ADGRG5: variants seen among roughly 807,000 people sequenced by gnomAD.
ADGRG5 encodes the protein adhesion G protein-coupled receptor G5.
ADGRG5 carries 37 observed loss-of-function variants against 53.2 expected under a neutral mutation model. The observed-to-expected ratio is 0.70, with a 90% CI of 0.53 to 0.91. The LOEUF is 0.91. Ranked by LOEUF, ADGRG5 falls within the 40% of genes least tolerant of loss-of-function variation. The pLI is 0.00. For missense variants in ADGRG5, 614 were observed against 675.8 expected, an observed-to-expected ratio of 0.91 and a Z score of 1.01; for synonymous variants, 277 against 290.4, an observed-to-expected ratio of 0.95 and a Z score of 0.47.
intron 6 of ADGRG5, 188 bp downstream of exon 6, chr16:57,565,338 T>G: frequency 1.6e-6 from 1 of 608,086 alleles, no homozygotes; most frequent in East Asian, 2.8e-5. Flanking sequence ...TTCTTTCAGT[T>G]GCAAGTAAGA....
In ADGRG5 at chr16:57,574,708, A is replaced by G; in HGVS notation, c.1209-107A>G. ...CACTGTGTGTTCAGTCAGGCAAGAAACAATAGGGCCTGAGCCAGGAGACCG... is the reference window on the plus strand; with the variant it reads ...CACTGTGTGTTCAGTCAGGCAAGAAGCAATAGGGCCTGAGCCAGGAGACCG... On this transcript the variant is annotated intron_variant, in intron 10 of 11. Transcript: ENST00000349457. This position sits in a 1 kb window ranked among gnomAD's most constrained non-coding sequence, Gnocchi z 4.4. The G allele has an allele frequency of 1.6e-6, 2 of 1,275,280 alleles. No individual in the cohort carries two copies. The highest frequency in any genetic ancestry group is 1.5e-5 in the African/African-American group (1 of 66,916). The allele number at this position is 1,275,280 out of a possible 1,614,324, so 79.0% of individuals were successfully genotyped here. A position where few individuals can be genotyped will look rare whatever the true frequency, so the allele number is the denominator to read the frequency against.
chr16:57,568,568 C>T (rs2146817781), intron 9 of ADGRG5, among the ~76,000 whole-genome samples: 1 of 151,564 alleles, frequency 6.6e-6, no homozygotes, highest in African/African-American at 2.4e-5. Flanking sequence ...ACCTCCTCCA[C>T]CTCCATCACC....
chr16:57,567,015 C>T (rs1431969604), intron 7 of ADGRG5, among the ~76,000 whole-genome samples: 16 of 152,228 alleles, frequency 1.1e-4, no homozygotes, highest in Admixed American at 1.0e-3. Flanking sequence ...GCTGGCTTAG[C>T]CCTCAAATAG....
chr16:57,561,975 C>A, intron 1 of ADGRG5, 81 bp from the exon 2 acceptor site: 1 of 682,160 alleles, frequency 1.5e-6, no homozygotes, highest in South Asian at 2.4e-5. Flanking sequence ...TGCTGCATGT[C>A]CTACTCTTGG....
intron 9 of ADGRG5, 95 bp from the exon 10 acceptor site, chr16:57,570,323 C>A (rs1374571075): frequency 1.4e-6 from 1 of 731,736 alleles, no homozygotes; most frequent in Admixed American, 1.9e-5. Context: ...TGTCCCTTGA[C>A]CAGTGAAATT....
intron 6 of ADGRG5, chr16:57,566,396 C>G (rs2033130788): frequency 2.3e-6 from 1 of 430,078 alleles, no homozygotes; most frequent in Non-Finnish European, 4.1e-6. Flanking sequence ...CTCAGAGCAA[C>G]TTGGTGTCTT....
rs547763306 is a variant in ADGRG5 at position 57,563,906 on chromosome 16, G to A, written c.356G>A (p.Arg119Gln). 36 of 1,614,034 alleles carry A rather than the reference G, an allele frequency of 2.2e-5. No individual in the cohort carries two copies. In the East Asian group the frequency reaches 5.6e-4, roughly 25 times the overall value. The change falls in exon 5 of 12, where the codon CGG becomes CAG. Residue 119 changes from arginine to glutamine, a missense_variant. Arg to Gln is a conservative substitution (Grantham distance 43). Coordinates refer to ENST00000349457, the MANE Select transcript of ADGRG5 (RefSeq NM_001304376.3). ...HAMQFPAELTRDACKTRPREL... is the reference protein window; with the variant it reads ...HAMQFPAELTQDACKTRPREL... ...ATGCAGTTCCCCGCCGAGCTGACCC[G>A]GGACGCCTGCAAGACCCGCCCCAGG...
intron 10 of ADGRG5, among the ~76,000 whole-genome samples, chr16:57,572,004 C>T (rs1466632857): frequency 6.6e-6 from 1 of 152,000 alleles, no homozygotes; most frequent in Non-Finnish European, 1.5e-5. Context: ...CCACAGGACC[C>T]ACTAATGCAC....
rs140046897 is a variant in ADGRG5, at chr16:57,552,721, G to A, written c.-38-9335G>A. ...GTAGCACTTTAAATTTTCTTTAAGAGCTTTTCCTTTGCATTCATAACTTTG... is the reference window on the plus strand; with the variant it reads ...GTAGCACTTTAAATTTTCTTTAAGAACTTTTCCTTTGCATTCATAACTTTG... On this transcript the variant is annotated intron_variant, in intron 1 of 11. Coordinates refer to ENST00000349457, the MANE Select transcript of ADGRG5 (RefSeq NM_001304376.3). Among the ~76,000 whole-genome samples the A allele has an allele frequency of 2.3e-3, 353 of 152,310 alleles. 2 individuals carry two copies. Among genetic ancestry groups the A allele is most frequent in the African/African-American group, 8.1e-3 (335 of 41,584 alleles).
chr16:57,558,333 G>A (rs967299043), intron 1 of ADGRG5, among the ~76,000 whole-genome samples: 7 of 152,166 alleles, frequency 4.6e-5, no homozygotes, highest in African/African-American at 1.7e-4. Context: ...TTTCTCCAGT[G>A]GTGGACCGTC....
At chr16:57,532,951 G>T in the ADGRG5 span, among the ~76,000 whole-genome samples, 1 of 152,292 alleles carries the variant, frequency 6.6e-6, no homozygotes, top group African/African-American at 2.4e-5. Flanking sequence ...GGCAGGGAGG[G>T]GGCCACTGCC....
At chr16:57,548,079 A>G (rs773191335) in intron 1 of ADGRG5, among the ~76,000 whole-genome samples, 6 of 151,296 alleles carry the variant, frequency 4.0e-5, no homozygotes, top group East Asian at 2.0e-4. Flanking sequence ...GGGTCTCACT[A>G]TGTTGCCTAG....
rs988334195 is a variant in ADGRG5 at position 57,567,916 on chromosome 16, G to A, written c.882G>A (p.Leu294=). ...ACCTGCATGCCTCCGTGCTGCTCCT[G>A]AACATCGCCTTCCTGCTGAGCCCCG... ...HMNLHASVLL[L]NIAFLLSPAF... Residue 294 remains leucine, a synonymous_variant, in exon 9 of 12, where the codon CTG becomes CTA. Coordinates refer to ENST00000349457, the MANE Select transcript of ADGRG5 (RefSeq NM_001304376.3). The A allele has an allele frequency of 3.1e-6, 5 of 1,613,508 alleles. No individual in the cohort carries two copies. Among genetic ancestry groups the A allele is most frequent in the Non-Finnish European group, 4.2e-6 (5 of 1,179,920 alleles).
intron 1 of ADGRG5, among the ~76,000 whole-genome samples, chr16:57,547,388 C>T (rs1041658839): frequency 1.3e-5 from 2 of 152,182 alleles, no homozygotes; most frequent in Admixed American, 6.5e-5. Flanking sequence ...TCAACCTGTC[C>T]TTTCCACTCA....
chr16:57,563,339 G>A (rs553903203), intron 4 of ADGRG5, 92 bp downstream of exon 4: 2 of 1,137,980 alleles, frequency 1.8e-6, no homozygotes, highest in Non-Finnish European at 2.6e-6. Flanking sequence ...AGGCTCCACT[G>A]TCTTCCTCCC....
chr16:57,541,595 G>A (rs894781163), upstream of ADGRG5, among the ~76,000 whole-genome samples: 1 of 152,178 alleles, frequency 6.6e-6, no homozygotes, highest in South Asian at 2.1e-4. Context: ...GGGCTGATGC[G>A]GGAAGGGCCC....
intron 3 of ADGRG5, 73 bp downstream of exon 3, chr16:57,562,532 C>A: frequency 1.0e-6 from 1 of 962,202 alleles, no homozygotes; most frequent in Non-Finnish European, 1.6e-6. Flanking sequence ...AATGTAGACT[C>A]TTAACTGTGC....
At chr16:57,544,346 G>A (rs746484207) in intron 1 of ADGRG5, among the ~76,000 whole-genome samples, 3 of 152,174 alleles carry the variant, frequency 2.0e-5, no homozygotes, top group Admixed American at 6.5e-5. Context: ...ATGGCTCAGC[G>A]TGTGGGGGGA....
chr16:57,535,370 CATT>C, the ADGRG5 span, among the ~76,000 whole-genome samples: 2 of 152,130 alleles, frequency 1.3e-5, no homozygotes, highest in African/African-American at 4.8e-5. Context: ...CAGCCTGGAT[CATT>C]GATTTGAACT....
Sources: gnomAD v4.1 joint callset for allele counts (sites outside exome capture counted in the v4.1 genomes callset) on GRCh38, gnomAD v4.1.1 for gene constraint, Gnocchi (gnomAD v3.1) non-coding constraint, MANE v1.5 for transcripts, NCBI Gene and HGNC (gene_info 2026-07-23, HGNC 2026-07-21) for gene names.